DENND4B: variants seen among roughly 807,000 people sequenced by gnomAD.
The protein encoded by DENND4B is DENN domain-containing protein 4B.
Under a neutral mutation model 161.0 loss-of-function variants are expected in DENND4B, and 67 were observed. The ratio of observed to expected loss-of-function variants is 0.42; its 90% CI spans 0.34 to 0.51. The LOEUF (loss-of-function observed/expected upper bound fraction) is 0.51, where lower values mean the gene tolerates loss of function less well. DENND4B is among the 20% of genes least tolerant of loss of function. The pLI is 0.08. For synonymous variants in DENND4B, 753 were observed against 813.8 expected (o/e 0.93, Z 1.27); for missense variants, 1,481 against 1,968.0 (o/e 0.75, Z 4.68).
chr1:153,944,992 A>G lies in DENND4B; in HGVS notation c.-23-595T>C. 1 of 955,612 alleles carries G rather than the reference A, an allele frequency of 1.0e-6. No individual in the cohort carries two copies. The highest frequency in any genetic ancestry group is 1.4e-6 in the Non-Finnish European group (1 of 730,582). The allele number at this position is 955,612 out of a possible 1,614,324, so 59.2% of individuals were successfully genotyped here. A position where few individuals can be genotyped will look rare whatever the true frequency, so the allele number is the denominator to read the frequency against. ...TAGCTTAACTCCACCAATCTGGCCC[A>G]AAATCCAGTGTTCTCACACCTCCAG... On this transcript the variant is annotated intron_variant, in intron 1 of 27. Transcript: ENST00000361217. The surrounding 1 kb of genome is among the most constrained non-coding windows in gnomAD (Gnocchi z 4.8).
intron 17 of DENND4B, chr1:153,935,768 C>T: frequency 2.9e-6 from 1 of 343,948 alleles, no homozygotes; most frequent in Non-Finnish European, 5.6e-6. Flanking sequence ...CCTCATAGGG[C>T]TGTCGTGAAG....
intron 13 of DENND4B, among the ~76,000 whole-genome samples, chr1:153,938,406 CA>C (rs34071791): frequency 0.02 from 2,099 of 103,010 alleles, 25 homozygotes; most frequent in Non-Finnish European, 0.03. Flanking sequence ...AAAACTATCT[CA>C]AAAAAAAAAA....
chr1:153,944,987 G>T lies in DENND4B; in HGVS notation c.-23-590C>A. Reference sequence around the variant, plus strand: ...TCTCCTAGCTTAACTCCACCAATCTGGCCCAAAATCCAGTGTTCTCACACC... The same window carrying T: ...TCTCCTAGCTTAACTCCACCAATCTTGCCCAAAATCCAGTGTTCTCACACC... On this transcript the variant is annotated intron_variant, in intron 1 of 27. Coordinates refer to ENST00000361217, the MANE Select transcript of DENND4B (RefSeq NM_014856.3). This position sits in a 1 kb window ranked among gnomAD's most constrained non-coding sequence, Gnocchi z 4.8. The T allele has an allele frequency of 1.1e-6, 1 of 876,706 alleles. No homozygotes were observed. Among genetic ancestry groups the T allele is most frequent in the Non-Finnish European group, 1.5e-6 (1 of 660,432 alleles). 54.3% of individuals were successfully genotyped at this position (876,706 alleles called of 1,614,324 possible).
Position 153,936,033 on chromosome 1 carries a change from T to C in DENND4B, c.2568+27A>G. ...CTCACACACCCTGGCACAGCTGCCA[T>C]CCCACCCCTCACCCCAAAGTAGGTA... is the stretch of plus-strand genomic sequence containing the variant. On this transcript the variant is annotated intron_variant, in intron 17 of 27. Transcript: ENST00000361217. This position sits in a 1 kb window ranked among gnomAD's most constrained non-coding sequence, Gnocchi z 4.1. 6.2e-7 allele frequency: 1 copy of C among 1,611,132 alleles called. No homozygotes were observed. Among genetic ancestry groups the C allele is most frequent in the Non-Finnish European group, 8.5e-7 (1 of 1,178,582 alleles).
At position 153,937,788 on chromosome 1, in the gene DENND4B, C is replaced by T; in HGVS notation, c.2041G>A (p.Val681Ile). 3.7e-6 allele frequency: 6 copies of T among 1,614,004 alleles called. No individual in the cohort carries two copies. Among genetic ancestry groups the T allele is most frequent in the Non-Finnish European group, 5.1e-6 (6 of 1,179,886 alleles). ...GGCTCCTCGGGAGGTGTGATAAAGA[C>T]AGTGAGCTCACTTCCTGACAGCTCC... ...LEELSGSELT[V>I]FITPPEEPAL... Residue 681 changes from valine to isoleucine, a missense_variant, in exon 14 of 28, where the codon GTC becomes ATC. By Grantham distance (29) the Val-to-Ile change is conservative. This residue lies in a region of DENND4B where 806 missense variants were observed against 1,134.4 expected (regional missense o/e 0.71). Coordinates refer to ENST00000361217, the MANE Select transcript of DENND4B (RefSeq NM_014856.3). This position sits in a 1 kb window ranked among gnomAD's most constrained non-coding sequence, Gnocchi z 4.7.
Position 153,930,546 on chromosome 1 carries a change from C to T in DENND4B, c.4338G>A (p.Val1446=). Residue 1446 remains valine, a synonymous_variant, in exon 27 of 28, where the codon GTG becomes GTA. Transcript: ENST00000361217. The surrounding 1 kb of genome is among the most constrained non-coding windows in gnomAD (Gnocchi z 4.7). ...LTMAALGKDH[V]DIVAFDKKYK... ...CCTTGCCTGCAATCTCACCTATGTC[C>T]ACGTGGTCCTTGCCCAGAGCAGCCA... is the stretch of plus-strand genomic sequence containing the variant. The T allele has an allele frequency of 6.2e-7, 1 of 1,614,054 alleles. No homozygotes were observed. Among genetic ancestry groups the T allele is most frequent in the Non-Finnish European group, 8.5e-7 (1 of 1,179,910 alleles).
rs762528175 is a variant in DENND4B at position 153,932,536 on chromosome 1, C to T, written c.3760-96G>A. The T allele has an allele frequency of 6.4e-7, 1 of 1,561,004 alleles. No homozygotes were observed. Among genetic ancestry groups the T allele is most frequent in the Non-Finnish European group, 8.7e-7 (1 of 1,152,274 alleles). ...CCACATCCAACAGCTTTTGGGATGC[C>T]CCTTGCCCTCAAGGGCAAGAGATGT... On this transcript the variant is annotated intron_variant, in intron 23 of 27. Coordinates refer to ENST00000361217, the MANE Select transcript of DENND4B (RefSeq NM_014856.3). This position sits in a 1 kb window ranked among gnomAD's most constrained non-coding sequence, Gnocchi z 5.8.
rs1557854660 is a variant in DENND4B, at chr1:153,939,764, T to C, written c.1644A>G (p.Leu548=). The C allele has an allele frequency of 1.9e-6, 3 of 1,613,744 alleles. No individual in the cohort carries two copies. The South Asian group carries it at 3.3e-5, about 18-fold the overall frequency. The change falls in exon 12 of 28, where the codon CTA becomes CTG. Residue 548 remains leucine (L), a synonymous_variant. Transcript: ENST00000361217. The part of the protein sequence containing the change: ...GPEEEASLEF[L]LTDYEAVCGR... ...CACACACTGCCTCGTAGTCTGTCAG[T>C]AGGAACTCCAGGGATGCTTCCTCCT...
Position 153,932,825 on chromosome 1 carries a change from T to A in DENND4B, c.3623+36A>T. 1 of 1,613,534 alleles carries A rather than the reference T, an allele frequency of 6.2e-7. No individual in the cohort carries two copies. Among genetic ancestry groups the A allele is most frequent in the Non-Finnish European group, 8.5e-7 (1 of 1,179,598 alleles). ...GTCAGCTTTTGGACCTTCACCTCCCTATTCCCACCCACAGCACTTGCCCTG... is the reference window on the plus strand; with the variant it reads ...GTCAGCTTTTGGACCTTCACCTCCCAATTCCCACCCACAGCACTTGCCCTG... On this transcript the variant is annotated intron_variant, in intron 22 of 27. Transcript: ENST00000361217. The surrounding 1 kb of genome is among the most constrained non-coding windows in gnomAD (Gnocchi z 5.8).
rs1197412900 is a variant in DENND4B at position 153,940,468 on chromosome 1, C to T, written c.1465G>A (p.Val489Ile). Reference protein sequence around the residue: ...YFDLHDPPADVICVDLDTNTL... With the variant: ...YFDLHDPPADIICVDLDTNTL... ...TTGGTATCAAGGTCTACACAGATGA[C>T]ATCAGCAGGCGGGTCATGCAGATCA... The change falls in exon 10 of 28, where the codon GTC becomes ATC. Residue 489 changes from valine (V) to isoleucine (I), a missense_variant. Val to Ile is a conservative substitution (Grantham distance 29, BLOSUM62 3). Coordinates refer to ENST00000361217, the MANE Select transcript of DENND4B (RefSeq NM_014856.3). The surrounding 1 kb of genome is among the most constrained non-coding windows in gnomAD (Gnocchi z 5.6). The T allele has an allele frequency of 3.7e-6, 6 of 1,613,052 alleles. No homozygotes were observed. In the East Asian group the frequency reaches 1.1e-4, roughly 30 times the overall value.
In DENND4B at chr1:153,934,589, G is replaced by C; in HGVS notation, c.2773+171C>G. ...CCCAAGTAGCTGGGACTACAGGTGC[G>C]CGCCACCACGCCCAGCTAATTTTTT... On this transcript the variant is annotated intron_variant, in intron 18 of 27. Coordinates refer to ENST00000361217, the MANE Select transcript of DENND4B (RefSeq NM_014856.3). This position sits in a 1 kb window ranked among gnomAD's most constrained non-coding sequence, Gnocchi z 5.3. The C allele has an allele frequency of 8.2e-7, 1 of 1,217,650 alleles. No homozygotes were observed. Among genetic ancestry groups the C allele is most frequent in the Non-Finnish European group, 1.1e-6 (1 of 892,108 alleles). The allele number at this position is 1,217,650 out of a possible 1,614,324, so 75.4% of individuals were successfully genotyped here.
rs563367147 is a variant in DENND4B, at chr1:153,940,758, A to C, written c.1326+146T>G. On this transcript the variant is annotated intron_variant, in intron 9 of 27. Coordinates refer to ENST00000361217, the MANE Select transcript of DENND4B (RefSeq NM_014856.3). The surrounding 1 kb of genome is among the most constrained non-coding windows in gnomAD (Gnocchi z 5.6). ...GGCTCTAGAGAAGAGCTCCTGATGG[A>C]AGCTATGTGTTCCTGCAGGCTGTGC... 1.4e-6 allele frequency: 2 copies of C among 1,434,930 alleles called. No homozygotes were observed. The highest frequency in any genetic ancestry group is 2.8e-5 in the African/African-American group (2 of 70,246). The allele number at this position is 1,434,930 out of a possible 1,614,324, so 88.9% of individuals were successfully genotyped here.
Position 153,946,715 on chromosome 1 carries a change from G to A in DENND4B, c.-438C>T. 2.7e-6 allele frequency: 1 copy of A among 375,698 alleles called. No individual in the cohort carries two copies. Among genetic ancestry groups the A allele is most frequent in the Admixed American group, 4.6e-5 (1 of 21,914 alleles). 23.3% of individuals were successfully genotyped at this position (375,698 alleles called of 1,614,324 possible). A position where few individuals can be genotyped will look rare whatever the true frequency, so the allele number is the denominator to read the frequency against. On this transcript the variant is annotated 5_prime_UTR_variant, in exon 1 of 28. The change creates a new upstream start codon in the 5' untranslated region. Transcript: ENST00000361217. The surrounding 1 kb of genome is among the most constrained non-coding windows in gnomAD (Gnocchi z 6.3). ...GCCGGCGGCCGTGACCCTGGCAAGCGTCTGCCCAAAGCCCAGCCGCCTGCA... is the reference window on the plus strand; with the variant it reads ...GCCGGCGGCCGTGACCCTGGCAAGCATCTGCCCAAAGCCCAGCCGCCTGCA...
Position 153,943,035 on chromosome 1 carries a change from G to T in DENND4B, c.413C>A (p.Pro138His). The T allele has an allele frequency of 5.0e-6, 8 of 1,614,008 alleles. No homozygotes were observed. The highest frequency in any genetic ancestry group is 6.8e-6 in the Non-Finnish European group (8 of 1,179,886). Residue 138 changes from proline to histidine, a missense_variant, in exon 3 of 28, where the codon CCC (proline) becomes CAC (histidine). Around this residue, in one of 3 missense-constraint regions of DENND4B, gnomAD observed 806 missense variants for 1,134.4 expected, o/e 0.71. Transcript: ENST00000361217. ...SHSANLAPPG[P>H]GHPRTYLTYR... Reference sequence around the variant, plus strand: ...AGTGAGGTAGGTGCGGGGGTGCCCGGGGCCTGGAGGGGCCAGGTTTGCTGA... The same window carrying T: ...AGTGAGGTAGGTGCGGGGGTGCCCGTGGCCTGGAGGGGCCAGGTTTGCTGA...
rs3835302 is a variant in DENND4B at position 153,934,802 on chromosome 1, CCTGCTG to C, written c.2725_2730del (p.Gln909_Gln910del). 1.1e-5 allele frequency: 18 copies of C among 1,590,550 alleles called. No individual in the cohort carries two copies. The highest frequency in any genetic ancestry group is 4.0e-5 in the African/African-American group (3 of 74,370). Reference sequence around the variant, plus strand: ...GCCTCTTGATGTGCTGACACCTGCTCCTGCTGCTGCTGCTGCTGCTGCTGCTGTTGC... The same window carrying C: ...GCCTCTTGATGTGCTGACACCTGCTCCTGCTGCTGCTGCTGCTGCTGTTGC... On this transcript the variant is annotated inframe_deletion, in exon 18 of 28. Coordinates refer to ENST00000361217, the MANE Select transcript of DENND4B (RefSeq NM_014856.3). This position sits in a 1 kb window ranked among gnomAD's most constrained non-coding sequence, Gnocchi z 5.3.
In DENND4B at chr1:153,942,459, GAAAGT is replaced by G; in HGVS notation, c.640+92_640+96del. On this transcript the variant is annotated intron_variant, in intron 4 of 27. Transcript: ENST00000361217. This position sits in a 1 kb window ranked among gnomAD's most constrained non-coding sequence, Gnocchi z 6.9. ...CCAGAGAAGGCCCGAGTAGCAAAGA[GAAAGT>G]AAACTCTGGGGACACTTAAGGTGCC... 1 of 1,563,622 alleles carries G rather than the reference GAAAGT, an allele frequency of 6.4e-7. No homozygotes were observed. The highest frequency in any genetic ancestry group is 8.7e-7 in the Non-Finnish European group (1 of 1,153,328).
intron 17 of DENND4B, 147 bp downstream of exon 17, chr1:153,935,913 C>T: frequency 9.9e-7 from 1 of 1,007,634 alleles, no homozygotes. Context: ...GCTAAGGCAC[C>T]ACAGGAGTGC....
At chr1:153,946,861 TG>T (rs892269775), upstream of DENND4B, among the ~76,000 whole-genome samples, 1 of 152,136 alleles carries the variant, frequency 6.6e-6, no homozygotes, top group African/African-American at 2.4e-5. This position sits in a 1 kb window ranked among gnomAD's most constrained non-coding sequence, Gnocchi z 6.3. Flanking sequence ...CCTTCCCGCC[TG>T]GGTCCTGCAG....
Position 153,932,247 on chromosome 1 carries a change from G to C in DENND4B, c.3953C>G (p.Pro1318Arg), listed in dbSNP as rs1473249641. 3.7e-6 allele frequency: 6 copies of C among 1,613,954 alleles called. No individual in the cohort carries two copies. The highest frequency in any genetic ancestry group is 5.1e-6 in the Non-Finnish European group (6 of 1,179,876). ...ATCACAGGAGGCCAGCACCAGGCCT[G>C]GTAGAATACTGGGCAGGCGTAGCCG... ...FQRLRLPSIL[P>R]GLVLASCDGP... Residue 1318 changes from proline to arginine, a missense_variant, in exon 24 of 28, where the codon CCA (proline) becomes CGA (arginine). Around this residue, in one of 3 missense-constraint regions of DENND4B, gnomAD observed 336 missense variants for 503.3 expected, o/e 0.67. Transcript: ENST00000361217. The surrounding 1 kb of genome is among the most constrained non-coding windows in gnomAD (Gnocchi z 5.8).
Sources: gnomAD v4.1 joint callset for allele counts (sites outside exome capture counted in the v4.1 genomes callset) on GRCh38, gnomAD v4.1.1 for gene constraint, gnomAD v4.1.1 regional missense constraint, Gnocchi (gnomAD v3.1) non-coding constraint, MANE v1.5 for transcripts, NCBI Gene and HGNC (gene_info 2026-07-23, HGNC 2026-07-21) for gene names.